GRID2: variants seen among roughly 807,000 people sequenced by gnomAD.
GRID2 encodes glutamate receptor ionotropic, delta-2.
A neutral mutation model predicts 114.8 loss-of-function variants in GRID2; 33 were observed. The ratio of observed to expected loss-of-function variants is 0.29; its 90% CI spans 0.22 to 0.38. GRID2 has a LOEUF of 0.38. Among genes scored for constraint, GRID2 ranks in the 10% least tolerant of loss-of-function variants. The probability of loss-of-function intolerance (pLI) is 1.00; values close to 1 mark genes in which losing one functional copy is unlikely to be tolerated. For missense variants in GRID2, 1,184 were observed against 1,257.7 expected (o/e 0.94, Z 0.89); for synonymous variants, 505 against 449.9 (o/e 1.12, Z -1.55).
chr4:93,163,664 G>C (rs762756211), intron 4 of GRID2, among the ~76,000 whole-genome samples: 2 of 150,764 alleles, frequency 1.3e-5, no homozygotes, highest in East Asian at 3.9e-4. Flanking sequence ...TTTTATGATG[G>C]GCTGTCATTA....
intron 1 of GRID2, among the ~76,000 whole-genome samples, chr4:92,408,431 C>CTTTTTTTTTTTTTT (rs35638036): frequency 5.1e-5 from 1 of 19,428 alleles, no homozygotes; most frequent in Non-Finnish European, 1.1e-4. Context: ...TATTCAAGCT[C>CTTTTTTTTTTTTTT]TTTTTTTTTT....
At chr4:92,533,933 A>G (rs1256793012) in intron 1 of GRID2, among the ~76,000 whole-genome samples, 2 of 152,010 alleles carry the variant, frequency 1.3e-5, no homozygotes, top group African/African-American at 4.8e-5. Context: ...TTAAAAAGGA[A>G]TATTAAAAAG....
At chr4:93,740,062 G>A (rs1284687921) in intron 14 of GRID2, among the ~76,000 whole-genome samples, 1 of 152,280 alleles carries the variant, frequency 6.6e-6, no homozygotes, top group East Asian at 1.9e-4. Flanking sequence ...GGACCATATA[G>A]AAGACGGTGG....
chr4:92,697,229 G>A (rs1222778913), intron 2 of GRID2, among the ~76,000 whole-genome samples: 2 of 152,092 alleles, frequency 1.3e-5, no homozygotes, highest in African/African-American at 4.8e-5. Context: ...TTGTCTTAAT[G>A]ACCATGGAAG....
intron 8 of GRID2, among the ~76,000 whole-genome samples, chr4:93,340,302 A>G (rs1759519712): frequency 7.3e-6 from 1 of 137,830 alleles, no homozygotes; most frequent in Non-Finnish European, 1.5e-5. Context: ...TTGGCCCACT[A>G]TGCCCCTTTT....
At chr4:93,007,106 G>A (rs898513399) in intron 2 of GRID2, among the ~76,000 whole-genome samples, 10 of 152,108 alleles carry the variant, frequency 6.6e-5, no homozygotes, top group East Asian at 3.9e-4. Context: ...CAGCAGCAAA[G>A]CATCAGCCAT....
chr4:93,288,899 T>C (rs1398112898), intron 8 of GRID2, among the ~76,000 whole-genome samples: 1 of 152,230 alleles, frequency 6.6e-6, no homozygotes, highest in Non-Finnish European at 1.5e-5. Flanking sequence ...TCTCTTGAAA[T>C]ACTAGGTTGA....
chr4:92,530,829 C>T (rs1194419259), intron 1 of GRID2, among the ~76,000 whole-genome samples: 5 of 151,534 alleles, frequency 3.3e-5, no homozygotes, highest in African/African-American at 4.9e-5. Flanking sequence ...ATCACTTGAA[C>T]CTGGGAGGTG....
intron 4 of GRID2, among the ~76,000 whole-genome samples, chr4:93,129,640 C>T (rs567472198): frequency 8.5e-5 from 13 of 152,302 alleles, no homozygotes; most frequent in African/African-American, 2.9e-4. Context: ...CAACACTAAA[C>T]CTTACTTCAC....
intron 2 of GRID2, among the ~76,000 whole-genome samples, chr4:92,972,966 C>T (rs1753623642): frequency 1.3e-5 from 2 of 152,136 alleles, no homozygotes; most frequent in African/African-American, 4.8e-5. Flanking sequence ...CATAGTATTC[C>T]ATGGTGTAAG....
intron 14 of GRID2, among the ~76,000 whole-genome samples, chr4:93,727,447 C>G (rs1395731794): frequency 6.6e-6 from 1 of 152,102 alleles, no homozygotes; most frequent in Non-Finnish European, 1.5e-5. Context: ...CTAAAATTCT[C>G]TTTTTTGGTT....
chr4:93,207,590 T>A (rs1257654346), intron 5 of GRID2, 133 bp downstream of exon 5: 3 of 616,448 alleles, frequency 4.9e-6, no homozygotes, highest in Non-Finnish European at 8.7e-6. Flanking sequence ...GAGTGAATGC[T>A]GTTTAACAAA....
chr4:93,772,459 C>T lies in GRID2; in HGVS notation c.2985C>T (p.Leu995=), dbSNP rs1734185915. Residue 995 remains leucine, a synonymous_variant, in exon 16 of 16, where the codon CTC becomes CTT. Coordinates refer to ENST00000282020, the MANE Select transcript of GRID2 (RefSeq NM_001510.4). ...ATCAACCAACTCCTACCCTGGGGCT[C>T]AATCTGGGTAATGATCCAGACCGAG... The part of the protein sequence containing the change: ...IPYQPTPTLG[L]NLGNDPDRGT... 1.2e-6 allele frequency: 2 copies of T among 1,609,654 alleles called. No homozygotes were observed.
intron 2 of GRID2, among the ~76,000 whole-genome samples, chr4:92,830,319 A>T (rs1262408755): frequency 1.3e-5 from 2 of 150,998 alleles, no homozygotes; most frequent in Non-Finnish European, 2.9e-5. Flanking sequence ...ATTCTGAAAG[A>T]CTCCTTATGT....
chr4:93,196,462 G>A (rs1348788279), intron 4 of GRID2, among the ~76,000 whole-genome samples: 2 of 152,056 alleles, frequency 1.3e-5, no homozygotes, highest in African/African-American at 2.4e-5. Context: ...TTTAATTTTA[G>A]TAGAATCATC....
At chr4:93,214,331 C>G (rs1013971209) in intron 5 of GRID2, among the ~76,000 whole-genome samples, 3 of 151,884 alleles carry the variant, frequency 2.0e-5, no homozygotes, top group Non-Finnish European at 4.4e-5. Context: ...GGACTTTTTT[C>G]CATTTAAATG....
chr4:93,322,048 C>CTTTTTTTTTCT (rs1435133111), intron 8 of GRID2, among the ~76,000 whole-genome samples: 2 of 146,716 alleles, frequency 1.4e-5, no homozygotes, highest in African/African-American at 2.5e-5. Flanking sequence ...CTTTTTTTTT[C>CTTTTTTTTTCT]TTTTTTTTAT....
chr4:93,331,511 A>G (rs962546136), intron 8 of GRID2, among the ~76,000 whole-genome samples: 1 of 151,996 alleles, frequency 6.6e-6, no homozygotes, highest in East Asian at 1.9e-4. Flanking sequence ...TATATATTGT[A>G]CCTTTGTACA....
chr4:93,233,265 G>A (rs1434700006), intron 7 of GRID2, among the ~76,000 whole-genome samples: 4 of 151,930 alleles, frequency 2.6e-5, no homozygotes, highest in South Asian at 2.1e-4. Flanking sequence ...TTTGATAAAC[G>A]ATGTTGAAAT....
Sources: gnomAD v4.1 joint callset for allele counts (sites outside exome capture counted in the v4.1 genomes callset) on GRCh38, gnomAD v4.1.1 for gene constraint, MANE v1.5 for transcripts, NCBI Gene and HGNC (gene_info 2026-07-23, HGNC 2026-07-21) for gene names.